Variants in TKFC observed in about 807,000 individuals in gnomAD.
TKFC encodes triokinase and FMN cyclase.
In TKFC, 46 loss-of-function variants were observed where a neutral mutation model predicts 61.0. The ratio of observed to expected loss-of-function variants is 0.75; its 90% CI spans 0.60 to 0.96. The LOEUF is 0.96. Among genes scored for constraint, TKFC ranks in the 50% least tolerant of loss-of-function variants. The probability of loss-of-function intolerance (pLI) is 0.00; values close to 1 mark genes in which losing one functional copy is unlikely to be tolerated. For synonymous variants in TKFC, 314 were observed against 330.1 expected (o/e 0.95, Z 0.53); for missense variants, 715 against 777.5 (o/e 0.92, Z 0.96).
At chr11:61,338,316 A>C (rs1049812300) in intron 3 of TKFC, among the ~76,000 whole-genome samples, 186 bp downstream of exon 3, 3 of 152,164 alleles carry the variant, frequency 2.0e-5, no homozygotes, top group Non-Finnish European at 4.4e-5. Flanking sequence ...ATCTGTTTCT[A>C]CATCTACAAA....
Position 61,333,278 on chromosome 11 carries a change from A to T in TKFC, c.-161A>T. On this transcript the variant is annotated 5_prime_UTR_variant, in exon 1 of 18. Transcript: ENST00000394900. Reference sequence around the variant, plus strand: ...GAGCGCACGCTTCGGGGTCTCCGGGAAGTCGCGGCGCCTTCGGATGTGGCG... The same window carrying T: ...GAGCGCACGCTTCGGGGTCTCCGGGTAGTCGCGGCGCCTTCGGATGTGGCG... 1 of 261,100 alleles carries T rather than the reference A, an allele frequency of 3.8e-6. No individual in the cohort carries two copies. The highest frequency in any genetic ancestry group is 7.2e-6 in the Non-Finnish European group (1 of 138,530). 16.2% of individuals were successfully genotyped at this position (261,100 alleles called of 1,614,324 possible).
Position 61,339,130 on chromosome 11 carries a change from G to A in TKFC, c.258G>A (p.Val86=). ...IAGAVFTSPA[V]GSILAAIRAV... is the part of the protein sequence containing the mutation. Reference sequence around the variant, plus strand: ...GAGCTGTGTTCACCTCCCCGGCAGTGGGCAGCATCCTGGCAGCCATCAGGG... The same window carrying A: ...GAGCTGTGTTCACCTCCCCGGCAGTAGGCAGCATCCTGGCAGCCATCAGGG... The change falls in exon 4 of 18, where the codon GTG becomes GTA. Residue 86 remains valine, a synonymous_variant. Transcript: ENST00000394900. 6.2e-7 allele frequency: 1 copy of A among 1,613,814 alleles called. No homozygotes were observed.
intron 11 of TKFC, 89 bp downstream of exon 11, chr11:61,343,547 C>A: frequency 1.6e-6 from 2 of 1,243,846 alleles, no homozygotes; most frequent in South Asian, 1.2e-5. Flanking sequence ...CAGGGCTGAC[C>A]GTGACAATCA....
rs139930374 is a variant in TKFC, at chr11:61,346,537, CTCACTGCTGTGCTGAGGTG to C, written c.*35_*53del. The C allele has an allele frequency of 0.014, 21,672 of 1,568,718 alleles. 848 individuals carry two copies. In the East Asian group the frequency reaches 0.18, roughly 13 times the overall value. ...ACTGCCTCCCTTGGCCTCAGCTCCT[CTCACTGCTGTGCTGAGGTG>C]GCCTTTGTCACTTCCTTCTGCCTTC... On this transcript the variant is annotated 3_prime_UTR_variant, in exon 18 of 18. Transcript: ENST00000394900. The surrounding 1 kb of genome is among the most constrained non-coding windows in gnomAD (Gnocchi z 4.1).
intron 2 of TKFC, among the ~76,000 whole-genome samples, chr11:61,337,599 TC>T (rs1448581906): frequency 1.3e-5 from 2 of 152,180 alleles, no homozygotes; most frequent in Non-Finnish European, 2.9e-5. Context: ...AGGCTTTTCT[TC>T]CTTTTGACAG....
chr11:61,350,761 G>A (rs1857365203), downstream of TKFC: 3 of 620,548 alleles, frequency 4.8e-6, no homozygotes, highest in East Asian at 2.9e-5. Context: ...GTGATTTGGG[G>A]GGGAAATTCT....
chr11:61,344,754 C>T (rs1057270474), intron 13 of TKFC, among the ~76,000 whole-genome samples: 1 of 152,212 alleles, frequency 6.6e-6, no homozygotes, highest in African/African-American at 2.4e-5. Flanking sequence ...CAACTCAAGG[C>T]GAACTTATTC....
rs1856741686 is a variant in TKFC at position 61,339,120 on chromosome 11, C to T, written c.248C>T (p.Ser83Phe). ...GTCATCGCGGGAGCTGTGTTCACCT[C>T]CCCGGCAGTGGGCAGCATCCTGGCA... ...TGVIAGAVFT[S>F]PAVGSILAAI... Residue 83 changes from serine (S) to phenylalanine (F), a missense_variant, in exon 4 of 18, where the codon TCC (serine) becomes TTC (phenylalanine). Physicochemically the swap from Ser to Phe is radical, Grantham distance 155. Coordinates refer to ENST00000394900, the MANE Select transcript of TKFC (RefSeq NM_015533.4). 1.2e-6 allele frequency: 2 copies of T among 1,613,676 alleles called. No homozygotes were observed. The highest frequency in any genetic ancestry group is 2.7e-5 in the African/African-American group (2 of 74,934).
At position 61,347,022 on chromosome 11, in the gene TKFC, TTTATTAC is replaced by T; in HGVS notation, c.*520_*526del. 1.0e-6 allele frequency: 1 copy of T among 986,254 alleles called. No homozygotes were observed. Among genetic ancestry groups the T allele is most frequent in the Non-Finnish European group, 1.2e-6 (1 of 830,552 alleles). 61.1% of individuals were successfully genotyped at this position (986,254 alleles called of 1,614,324 possible). On this transcript the variant is annotated 3_prime_UTR_variant, in exon 18 of 18. Transcript: ENST00000394900. ...TGACCCATCTTCTACCAGGCAGATC[TTTATTAC>T]CTGAGCCCCTAAGGCAGTGTCTCCT...
chr11:61,342,816 CAT>C lies in TKFC; in HGVS notation c.839_840del (p.Ile280SerfsTer41). On this transcript the variant is annotated frameshift_variant, in exon 10 of 18. Transcript: ENST00000394900. LOFTEE classifies it high-confidence loss of function. Reference protein sequence around the residue: ...GGLSFLELGIIADATVRSLEG... With the variant: ...GGLSFLELGIXADATVRSLEG... ...GCCTGTCATTCCTGGAACTGGGCATCATAGCCGACGCTACCGTCCGCTCCCTG... is the reference window on the plus strand; with the variant it reads ...GCCTGTCATTCCTGGAACTGGGCATCAGCCGACGCTACCGTCCGCTCCCTG... 6.2e-7 allele frequency: 1 copy of C among 1,614,024 alleles called. No homozygotes were observed. The highest frequency in any genetic ancestry group is 1.1e-5 in the South Asian group (1 of 91,086).
At chr11:61,350,316 C>A, downstream of TKFC, 1 of 1,545,314 alleles carries the variant, frequency 6.5e-7, no homozygotes, top group South Asian at 1.2e-5. Context: ...CTGAAACCAG[C>A]CGGGAGCCCT....
In TKFC at chr11:61,347,538, C is replaced by CAAAAAAAA. The variant is rs10594002; in HGVS notation, c.*1050_*1057dup. 2.3e-6 allele frequency: 1 copy of CAAAAAAAA among 425,580 alleles called. No individual in the cohort carries two copies. The highest frequency in any genetic ancestry group is 2.3e-5 in the African/African-American group (1 of 43,930). 26.4% of individuals were successfully genotyped at this position (425,580 alleles called of 1,614,324 possible). ...TGGGCAACAAAGCGAGACCCTGTCT[C>CAAAAAAAA]AAAAAAAAAAAAAAAAAAAAAAGAA... On this transcript the variant is annotated 3_prime_UTR_variant, in exon 18 of 18. Coordinates refer to ENST00000394900, the MANE Select transcript of TKFC (RefSeq NM_015533.4).
chr11:61,343,411 T>C lies in TKFC; in HGVS notation c.935T>C (p.Ile312Thr), dbSNP rs1856962980. 6.2e-7 allele frequency: 1 copy of C among 1,614,052 alleles called. No individual in the cohort carries two copies. The highest frequency in any genetic ancestry group is 8.5e-7 in the Non-Finnish European group (1 of 1,180,024). The part of the protein sequence containing the change: ...TFMSALEMPG[I>T]SLTLLLVDEP... ...ATGTCAGCACTGGAGATGCCTGGCATTTCTCTCACCCTCCTGCTGGTGGAT... is the reference window on the plus strand; with the variant it reads ...ATGTCAGCACTGGAGATGCCTGGCACTTCTCTCACCCTCCTGCTGGTGGAT... The change falls in exon 11 of 18, where the codon ATT becomes ACT. Residue 312 changes from isoleucine (I) to threonine (T), a missense_variant. Coordinates refer to ENST00000394900, the MANE Select transcript of TKFC (RefSeq NM_015533.4).
chr11:61,337,530 G>A (rs1373216250), intron 2 of TKFC, among the ~76,000 whole-genome samples: 10 of 152,186 alleles, frequency 6.6e-5, no homozygotes, highest in African/African-American at 2.4e-4. Context: ...GAGCACCAGG[G>A]AGCAGCGGTG....
In TKFC at chr11:61,345,221, A is replaced by C. The variant is rs373408786; in HGVS notation, c.1241-39A>C. ...GGCTGGAAGTCTGGCAGATGGAGGG[A>C]GGATCTCTGAATTCCTCCCCATCTC... is the stretch of plus-strand genomic sequence containing the variant. On this transcript the variant is annotated intron_variant, in intron 13 of 17. Coordinates refer to ENST00000394900, the MANE Select transcript of TKFC (RefSeq NM_015533.4). The C allele has an allele frequency of 8.7e-4, 1,277 of 1,474,908 alleles. 2 individuals carry two copies. The highest frequency in any genetic ancestry group is 1.1e-3 in the Non-Finnish European group (1,186 of 1,095,042). The allele number at this position is 1,474,908 out of a possible 1,614,324, so 91.4% of individuals were successfully genotyped here.
At chr11:61,344,423 G>A in intron 13 of TKFC, 150 bp downstream of exon 13, 1 of 1,155,158 alleles carries the variant, frequency 8.7e-7, no homozygotes, top group African/African-American at 1.6e-5. Flanking sequence ...GTATGCAATG[G>A]TGTGATCTCG....
intron 2 of TKFC, 97 bp from the exon 3 acceptor site, chr11:61,337,844 T>C (rs928830572): frequency 6.3e-5 from 75 of 1,198,942 alleles, no homozygotes; most frequent in Non-Finnish European, 8.1e-5. Flanking sequence ...CCTAGGTGGA[T>C]GCGGGAGAGG....
chr11:61,342,673 G>C lies in TKFC; in HGVS notation c.775+15G>C. ...TGTGCAGCCCGGTGGGTAGCCTCTC[G>C]CCCGCGTCTCCCAACCCCTCCTAAA... On this transcript the variant is annotated intron_variant, in intron 9 of 17. Coordinates refer to ENST00000394900, the MANE Select transcript of TKFC (RefSeq NM_015533.4). The C allele has an allele frequency of 6.2e-7, 1 of 1,613,724 alleles. No individual in the cohort carries two copies. Among genetic ancestry groups the C allele is most frequent in the Non-Finnish European group, 8.5e-7 (1 of 1,179,936 alleles).
rs1218865790 is a variant in TKFC at position 61,342,507 on chromosome 11, C to T, written c.690+12C>T. On this transcript the variant is annotated intron_variant, in intron 8 of 17. Transcript: ENST00000394900. ...TGCGCCGGATAAAGGTAGGTGGTCC[C>T]TCTGGCACAGGCCGCCCTAAGGCCA... 1.2e-6 allele frequency: 2 copies of T among 1,614,128 alleles called. No individual in the cohort carries two copies. Among genetic ancestry groups the T allele is most frequent in the Middle Eastern group, 1.6e-4 (1 of 6,062 alleles).
Sources: gnomAD v4.1 joint callset for allele counts (sites outside exome capture counted in the v4.1 genomes callset) on GRCh38, gnomAD v4.1.1 for gene constraint, Gnocchi (gnomAD v3.1) non-coding constraint, MANE v1.5 for transcripts, NCBI Gene and HGNC (gene_info 2026-07-23, HGNC 2026-07-21) for gene names.